DNAH5: variants seen among roughly 807,000 people sequenced by gnomAD.
The protein encoded by DNAH5 is dynein axonemal heavy chain 5, also known as axonemal beta dynein heavy chain 5.
Under a neutral mutation model 518.2 loss-of-function variants are expected in DNAH5, and 372 were observed. That is an observed-to-expected ratio of 0.72 (90% CI 0.66 to 0.78). DNAH5 has a LOEUF of 0.78. DNAH5 is among the 30% of genes least tolerant of loss of function. The pLI is 0.00. For synonymous variants in DNAH5, 2,039 were observed against 2,025.9 expected, an observed-to-expected ratio of 1.01 and a Z score of -0.17; for missense variants, 5,523 against 5,687.0, an observed-to-expected ratio of 0.97 and a Z score of 0.93.
chr5:13,788,525 C>T (rs369346536), intron 51 of DNAH5, among the ~76,000 whole-genome samples, 191 bp downstream of exon 51: 21 of 152,260 alleles, frequency 1.4e-4, no homozygotes, highest in African/African-American at 4.3e-4. Flanking sequence ...TAAACTAGTT[C>T]GTCTTTAAAC....
intron 1 of DNAH5, among the ~76,000 whole-genome samples, chr5:13,937,835 T>G (rs1779087599): frequency 6.6e-6 from 1 of 152,268 alleles, no homozygotes; most frequent in Non-Finnish European, 1.5e-5. Context: ...TCTTTATATA[T>G]GTGTATTCAT....
chr5:13,903,939 A>G (rs1258652055), intron 12 of DNAH5, among the ~76,000 whole-genome samples: 1 of 152,150 alleles, frequency 6.6e-6, no homozygotes, highest in East Asian at 1.9e-4. Flanking sequence ...TAAGCAAAGC[A>G]AACTGTAAAC....
At chr5:13,841,187 A>C in intron 33 of DNAH5, 57 bp from the exon 34 acceptor site, 1 of 1,336,222 alleles carries the variant, frequency 7.5e-7, no homozygotes, top group Non-Finnish European at 1.1e-6. Context: ...GTATTTAAAT[A>C]GAAATACAAT....
intron 1 of DNAH5, among the ~76,000 whole-genome samples, chr5:13,988,658 TC>T (rs2152072716): frequency 6.6e-6 from 1 of 150,922 alleles, no homozygotes; most frequent in East Asian, 2.0e-4. Context: ...CCTCAAGTGA[TC>T]CACCTGCCTC....
intron 58 of DNAH5, among the ~76,000 whole-genome samples, chr5:13,767,287 G>T (rs1187942043): frequency 6.6e-6 from 1 of 152,050 alleles, no homozygotes; most frequent in Admixed American, 6.6e-5. Flanking sequence ...ACCATGCCGG[G>T]CTAATTTTTG....
chr5:13,869,157 G>A (rs1342534582), intron 24 of DNAH5, among the ~76,000 whole-genome samples: 1 of 152,102 alleles, frequency 6.6e-6, no homozygotes, highest in Non-Finnish European at 1.5e-5. Context: ...CACAGCAGAA[G>A]TGAAAATGTG....
chr5:13,772,242 C>T lies in DNAH5; in HGVS notation c.9374-1262G>A, dbSNP rs574325503. On this transcript the variant is annotated intron_variant, in intron 55 of 78. Coordinates refer to ENST00000265104, the MANE Select transcript of DNAH5 (RefSeq NM_001369.3). ...TTTACTTGGCATTATGGGATATTCTCGGGGAAGTGCCCGCTTTCTGAAATC... is the reference window on the plus strand; with the variant it reads ...TTTACTTGGCATTATGGGATATTCTTGGGGAAGTGCCCGCTTTCTGAAATC... Among the ~76,000 whole-genome samples the T allele has an allele frequency of 3.3e-5, 5 of 152,214 alleles. No individual in the cohort carries two copies. In the South Asian group the frequency reaches 1.0e-3, roughly 32 times the overall value.
chr5:13,786,195 A>G lies in DNAH5; in HGVS notation c.8804T>C (p.Met2935Thr), dbSNP rs750633804. ...CTACTGTACCTTGACTAAGTGAACCATGGCATCTGCAAAGAACACCATGTC... is the reference window on the plus strand; with the variant it reads ...CTACTGTACCTTGACTAAGTGAACCGTGGCATCTGCAAAGAACACCATGTC... ...GMDMVFFADAMVHLVKISRVI... is the reference protein window; with the variant it reads ...GMDMVFFADATVHLVKISRVI... The change falls in exon 52 of 79, where the codon ATG becomes ACG. Residue 2935 changes from methionine to threonine, a missense_variant. Physicochemically the swap from Met to Thr is moderately conservative, Grantham distance 81 (BLOSUM62 -1). Transcript: ENST00000265104. 7.9e-5 allele frequency: 128 copies of G among 1,614,026 alleles called. No individual in the cohort carries two copies. In the Admixed American group the frequency reaches 1.1e-3, roughly 13 times the overall value.
intron 1 of DNAH5, among the ~76,000 whole-genome samples, chr5:13,964,450 A>G (rs547616807): frequency 4.6e-5 from 7 of 152,348 alleles, no homozygotes; most frequent in African/African-American, 1.4e-4. Context: ...CACAGGACAG[A>G]CAGGAGGATC....
At chr5:13,869,998 G>A (rs558548934) in intron 24 of DNAH5, among the ~76,000 whole-genome samples, 17 of 152,102 alleles carry the variant, frequency 1.1e-4, no homozygotes, top group Non-Finnish European at 2.2e-4. Context: ...CACTATGTAT[G>A]TTGATAATAT....
At chr5:13,765,784 G>A (rs1226468752) in intron 59 of DNAH5, among the ~76,000 whole-genome samples, 192 bp downstream of exon 59, 1 of 152,084 alleles carries the variant, frequency 6.6e-6, no homozygotes. Context: ...CACTGATGAT[G>A]CTTTAATACA....
At position 13,862,618 on chromosome 5, in the gene DNAH5, C is replaced by T; in HGVS notation, c.4726G>A (p.Asp1576Asn). 1 of 1,614,022 alleles carries T rather than the reference C, an allele frequency of 6.2e-7. No individual in the cohort carries two copies. Among genetic ancestry groups the T allele is most frequent in the Non-Finnish European group, 8.5e-7 (1 of 1,179,956 alleles). The change falls in exon 29 of 79, where the codon GAC becomes AAC. Residue 1576 changes from aspartate to asparagine, a missense_variant. Coordinates refer to ENST00000265104, the MANE Select transcript of DNAH5 (RefSeq NM_001369.3). ...TTGGCGATGATTTCCGAGGTACTGT[C>T]TCCTCTCAAGAGGAGCTCTCCACGG... ...KTRGELLLRG[D>N]STSEIIANME...
Position 13,876,632 on chromosome 5 carries a change from C to T in DNAH5, c.3396+52G>A, listed in dbSNP as rs1449533188. 5.0e-6 allele frequency: 8 copies of T among 1,601,252 alleles called. No homozygotes were observed. In the East Asian group the frequency reaches 1.8e-4, roughly 36 times the overall value. ...CAACTTTGTGATGTTCACTTTCACA[C>T]AAGTGCATGTTGCAAAGCAAAAGGT... is the stretch of plus-strand genomic sequence containing the variant. On this transcript the variant is annotated intron_variant, in intron 22 of 78. Coordinates refer to ENST00000265104, the MANE Select transcript of DNAH5 (RefSeq NM_001369.3).
chr5:13,851,985 C>A (rs1766931693), intron 30 of DNAH5, among the ~76,000 whole-genome samples: 1 of 151,916 alleles, frequency 6.6e-6, no homozygotes, highest in African/African-American at 2.4e-5. Flanking sequence ...GGGGAACTCT[C>A]CCCCGAGCCA....
chr5:13,851,759 A>C (rs1479057473), intron 30 of DNAH5, among the ~76,000 whole-genome samples: 1 of 152,106 alleles, frequency 6.6e-6, no homozygotes, highest in Non-Finnish European at 1.5e-5. Flanking sequence ...CATCCATTAA[A>C]AAGAAAAACA....
chr5:13,721,504 C>T (rs768361257), intron 70 of DNAH5, among the ~76,000 whole-genome samples: 1 of 152,108 alleles, frequency 6.6e-6, no homozygotes, highest in Non-Finnish European at 1.5e-5. Flanking sequence ...GTTTGAAACC[C>T]ATTTCAATAT....
intron 30 of DNAH5, among the ~76,000 whole-genome samples, chr5:13,856,804 T>G (rs371849222): frequency 3.3e-5 from 5 of 152,294 alleles, no homozygotes; most frequent in African/African-American, 1.2e-4. Context: ...TTTGATAAAA[T>G]TGAACATCCT....
At chr5:13,922,503 G>T (rs991806757) in intron 4 of DNAH5, among the ~76,000 whole-genome samples, 175 bp from the exon 5 acceptor site, 1 of 151,982 alleles carries the variant, frequency 6.6e-6, no homozygotes, top group Non-Finnish European at 1.5e-5. Context: ...GAGGTGGGGG[G>T]ATCACTTGAG....
intron 1 of DNAH5, among the ~76,000 whole-genome samples, chr5:13,940,487 C>A (rs1779356837): frequency 6.6e-6 from 1 of 152,162 alleles, no homozygotes; most frequent in African/African-American, 2.4e-5. Context: ...CTTATTCATA[C>A]AACAAACCAC....
Sources: gnomAD v4.1 joint callset for allele counts (sites outside exome capture counted in the v4.1 genomes callset) on GRCh38, gnomAD v4.1.1 for gene constraint, MANE v1.5 for transcripts, NCBI Gene and HGNC (gene_info 2026-07-23, HGNC 2026-07-21) for gene names.